TANC2: variants seen among roughly 807,000 people sequenced by gnomAD.
TANC2 encodes the protein protein TANC2.
Under a neutral mutation model 210.5 loss-of-function variants are expected in TANC2, and 26 were observed. The observed-to-expected ratio is 0.12, with a 90% CI of 0.09 to 0.17. The LOEUF (loss-of-function observed/expected upper bound fraction) is 0.17. TANC2 is among the 10% of genes least tolerant of loss of function. The pLI is 1.00. For missense variants in TANC2, 2,129 were observed against 2,608.9 expected (o/e 0.82, Z 4.01); for synonymous variants, 931 against 967.1 (o/e 0.96, Z 0.69).
chr17:62,979,310 C>T (rs1297506158), intron 1 of TANC2, among the ~76,000 whole-genome samples: 2 of 151,990 alleles, frequency 1.3e-5, no homozygotes, highest in Non-Finnish European at 2.9e-5. Context: ...CCAGTTTTTT[C>T]TCTTTTTTTG....
chr17:63,062,424 A>G (rs1392552177), intron 2 of TANC2, among the ~76,000 whole-genome samples: 3 of 152,078 alleles, frequency 2.0e-5, no homozygotes, highest in Admixed American at 6.6e-5. Context: ...TCTTTTTAGC[A>G]TGGAGCCGTA....
chr17:62,967,759 A>G (rs949470855), intron 1 of TANC2: 3 of 152,148 alleles, frequency 2.0e-5, no homozygotes, highest in Admixed American at 6.5e-5. Flanking sequence ...GCCAGTATCT[A>G]TCACAATGGT....
intron 8 of TANC2, among the ~76,000 whole-genome samples, chr17:63,244,859 C>T (rs922821642): frequency 2.6e-5 from 4 of 152,100 alleles, no homozygotes; most frequent in East Asian, 1.9e-4. Context: ...CTCATGATAG[C>T]GAATAAATCT....
intron 8 of TANC2, among the ~76,000 whole-genome samples, chr17:63,255,059 T>TTTTATTTATTTA (rs141802789): frequency 4.8e-5 from 7 of 144,544 alleles, no homozygotes; most frequent in South Asian, 4.4e-4. Context: ...AATAGTTATT[T>TTTTATTTATTTA]TTTATTTATT....
chr17:63,074,763 G>A (rs1387595996), intron 3 of TANC2, among the ~76,000 whole-genome samples: 1 of 152,090 alleles, frequency 6.6e-6, no homozygotes, highest in Non-Finnish European at 1.5e-5. Context: ...AATAAATGGT[G>A]AATGAATGAT....
At chr17:63,338,849 G>C (rs2046125654) in intron 11 of TANC2, 1 of 152,108 alleles carries the variant, frequency 6.6e-6, no homozygotes, top group Non-Finnish European at 1.5e-5. Context: ...AGGATTTCAG[G>C]TGTTTAAAAA....
At chr17:63,276,888 T>C (rs1286381497) in intron 9 of TANC2, among the ~76,000 whole-genome samples, 1 of 152,204 alleles carries the variant, frequency 6.6e-6, no homozygotes, top group East Asian at 1.9e-4. Flanking sequence ...ATAAGGAAAC[T>C]ATGTCATAGA....
chr17:63,348,026 C>G (rs923704129), intron 12 of TANC2, among the ~76,000 whole-genome samples: 1 of 152,156 alleles, frequency 6.6e-6, no homozygotes, highest in African/African-American at 2.4e-5. Context: ...CCTCAGCCTC[C>G]CAAAGTGTTG....
At chr17:63,136,457 C>T (rs1158068247) in intron 4 of TANC2, among the ~76,000 whole-genome samples, 2 of 151,932 alleles carry the variant, frequency 1.3e-5, no homozygotes, top group African/African-American at 4.8e-5. Context: ...AGGACATGAA[C>T]AGATCACTTA....
At chr17:63,201,323 A>G (rs1289664831) in intron 7 of TANC2, among the ~76,000 whole-genome samples, 1 of 152,230 alleles carries the variant, frequency 6.6e-6, no homozygotes, top group Non-Finnish European at 1.5e-5. Flanking sequence ...AGGTGAGATT[A>G]GATTAAGTGG....
chr17:63,118,776 ATT>A lies in TANC2; in HGVS notation c.322+19439_322+19440del, dbSNP rs1162117818. 4.2e-3 allele frequency among the ~76,000 whole-genome samples: 523 copies of A among 125,664 alleles called. 1 individual carries two copies. Among genetic ancestry groups the A allele is most frequent in the African/African-American group, 0.015 (505 of 32,640 alleles). 82.4% of individuals were successfully genotyped at this position (125,664 alleles called of 152,430 possible). ...AGGCATGTGCCACCATATCCAACTA[ATT>A]TTTTTTTTTTTTTTTTTTTGAGACA... On this transcript the variant is annotated intron_variant, in intron 4 of 27. Coordinates refer to ENST00000689528, the Ensembl canonical transcript of TANC2.
intron 8 of TANC2, among the ~76,000 whole-genome samples, chr17:63,264,055 G>A (rs1359075914): frequency 1.3e-5 from 2 of 152,170 alleles, no homozygotes; most frequent in Admixed American, 6.5e-5. Flanking sequence ...GCTCCAAGCT[G>A]GAGACTGGCT....
intron 2 of TANC2, among the ~76,000 whole-genome samples, chr17:63,042,653 C>T (rs1010793311): frequency 1.3e-5 from 2 of 152,092 alleles, no homozygotes; most frequent in Non-Finnish European, 2.9e-5. Context: ...CATTCATTTT[C>T]AACTAAGCAA....
intron 1 of TANC2, among the ~76,000 whole-genome samples, chr17:62,999,544 A>G (rs2033274578): frequency 1.9e-5 from 2 of 104,410 alleles, no homozygotes; most frequent in African/African-American, 1.1e-4. Flanking sequence ...ACCCAAATTC[A>G]TAAAACAAAT....
chr17:63,347,552 C>G (rs943669734), intron 12 of TANC2, among the ~76,000 whole-genome samples: 1 of 152,054 alleles, frequency 6.6e-6, no homozygotes, highest in Non-Finnish European at 1.5e-5. Flanking sequence ...CAATGGAAAA[C>G]ACTTTCAATT....
intron 2 of TANC2, among the ~76,000 whole-genome samples, chr17:63,027,158 T>A (rs2034584945): frequency 6.6e-6 from 1 of 152,178 alleles, no homozygotes. Flanking sequence ...CAATTCACAT[T>A]TTAACAACAA....
chr17:63,306,311 A>T (rs1049924245), intron 9 of TANC2, among the ~76,000 whole-genome samples: 1 of 152,230 alleles, frequency 6.6e-6, no homozygotes, highest in Non-Finnish European at 1.5e-5. Context: ...CATTTTAATT[A>T]TACTCAGGAT....
Position 63,346,631 on chromosome 17 carries a change from A to C in TANC2, c.1808-4619A>C, listed in dbSNP as rs1489186514. 3.3e-5 allele frequency among the ~76,000 whole-genome samples: 5 copies of C among 152,338 alleles called. No homozygotes were observed. The East Asian group carries it at 9.6e-4, about 29-fold the overall frequency. On this transcript the variant is annotated intron_variant, in intron 12 of 27. Transcript: ENST00000689528. ...GAATGAACATCCAGTGTTGGTAAGG[A>C]TGAGAAACAACTGGAACTCTAATAC... is the stretch of plus-strand genomic sequence containing the variant.
chr17:63,049,371 T>C (rs1221232749), intron 2 of TANC2, among the ~76,000 whole-genome samples: 2 of 152,092 alleles, frequency 1.3e-5, no homozygotes, highest in Non-Finnish European at 1.5e-5. Flanking sequence ...TGTGTGAATA[T>C]GGTGGTGGTG....
Sources: allele counts gnomAD v4.1 joint callset (sites outside exome capture counted in the v4.1 genomes callset), GRCh38; gene constraint gnomAD v4.1.1; transcripts MANE v1.5; gene names NCBI Gene and HGNC (gene_info 2026-07-23, HGNC 2026-07-21).